EPHX2: variants seen among roughly 807,000 people sequenced by gnomAD.
EPHX2 encodes epoxide hydrolase 2.
Under a neutral mutation model 78.7 loss-of-function variants are expected in EPHX2, and 74 were observed. The observed-to-expected ratio is 0.94, with a 90% CI of 0.78 to 1.14. EPHX2 has a LOEUF of 1.14. Ranked by LOEUF, EPHX2 falls within the 50% of genes most tolerant of loss-of-function variation. The pLI is 0.00. For missense variants in EPHX2, 715 were observed against 702.5 expected (o/e 1.02, Z -0.20); for synonymous variants, 251 against 255.2 (o/e 0.98, Z 0.16).
At chr8:27,507,694 C>T (rs1248147544) in intron 5 of EPHX2, among the ~76,000 whole-genome samples, 1 of 152,164 alleles carries the variant, frequency 6.6e-6, no homozygotes, top group East Asian at 1.9e-4. Flanking sequence ...TTTGCTCGGG[C>T]TGCCATAACA....
In EPHX2 at chr8:27,506,851, C is replaced by T. The variant is rs755624222; in HGVS notation, c.538-21C>T. The stretch of plus-strand genomic sequence containing the variant: ...CTGGTGAGTTTCTTTCTGAGATTCT[C>T]CCATGCTGTTTTGGGCTCAGGTCGT... On this transcript the variant is annotated intron_variant, in intron 4 of 18. Coordinates refer to ENST00000521400, the MANE Select transcript of EPHX2 (RefSeq NM_001979.6). 7 of 1,611,466 alleles carry T rather than the reference C, an allele frequency of 4.3e-6. No homozygotes were observed. The Admixed American group carries it at 1.2e-4, about 27-fold the overall frequency.
In EPHX2 at chr8:27,513,058, C is replaced by T. The variant is rs58178938; in HGVS notation, c.735+1148C>T. On this transcript the variant is annotated intron_variant, in intron 6 of 18. Transcript: ENST00000521400. ...AATTCTGAGATGAATGGAGGGTCTT[C>T]CATGGTCCCAGGGATTTTACACTCA... Among the ~76,000 whole-genome samples, 919 of 152,192 alleles carry T rather than the reference C, an allele frequency of 6.0e-3. 9 individuals carry two copies. The highest frequency in any genetic ancestry group is 0.021 in the African/African-American group (878 of 41,522).
At chr8:27,523,005 G>T (rs1030130776) in intron 11 of EPHX2, among the ~76,000 whole-genome samples, 1 of 148,578 alleles carries the variant, frequency 6.7e-6, no homozygotes, top group African/African-American at 2.5e-5. Flanking sequence ...ATGAGCTAAT[G>T]TGTTAGGAAG....
intron 12 of EPHX2, among the ~76,000 whole-genome samples, chr8:27,532,019 A>G (rs1425728067): frequency 6.6e-6 from 1 of 152,136 alleles, no homozygotes; most frequent in Non-Finnish European, 1.5e-5. Flanking sequence ...GGCTCCTCTG[A>G]CAGTGTGCTG....
intron 12 of EPHX2, among the ~76,000 whole-genome samples, chr8:27,533,712 C>T (rs1002049662): frequency 6.6e-6 from 1 of 152,134 alleles, no homozygotes; most frequent in African/African-American, 2.4e-5. Context: ...CTCATTCTCC[C>T]TAGTAGCTGG....
In EPHX2 at chr8:27,522,453, G is replaced by T. The variant is rs180851343; in HGVS notation, c.1003G>T (p.Asp335Tyr). The T allele has an allele frequency of 1.9e-6, 3 of 1,614,062 alleles. No homozygotes were observed. In the African/African-American group the frequency reaches 4.0e-5, roughly 22 times the overall value. ...CTCTCAAGCAGTGTTCATTGGCCAT[G>T]ACTGGGGTGGCATGCTGGTGTGGTA... ...GLSQAVFIGH[D>Y]WGGMLVWYMA... The change falls in exon 11 of 19, where the codon GAC becomes TAC. Residue 335 changes from aspartate (D) to tyrosine (Y), a missense_variant. Transcript: ENST00000521400.
chr8:27,536,808 C>A lies in EPHX2; in HGVS notation c.1195C>A (p.Gln399Lys). The change falls in exon 13 of 19, where the codon CAG becomes AAG. Residue 399 changes from glutamine to lysine, a missense_variant. Physicochemically the swap from Gln to Lys is moderately conservative, Grantham distance 53. Transcript: ENST00000521400. ...GGGAGTGGCTGAGGCTGAACTGGAA[C>A]AGAACCTGAGTCGGACTTTCAAAAG... ...EPGVAEAELE[Q>K]NLSRTFKSLF... The A allele has an allele frequency of 6.2e-7, 1 of 1,612,492 alleles. No individual in the cohort carries two copies. Among genetic ancestry groups the A allele is most frequent in the Middle Eastern group, 1.7e-4 (1 of 6,060 alleles).
rs1003294511 is a variant in EPHX2, at chr8:27,515,960, A to T, written c.831+147A>T. The T allele has an allele frequency of 3.4e-5, 25 of 734,778 alleles. No individual in the cohort carries two copies. In the East Asian group the frequency reaches 6.7e-4, roughly 20 times the overall value. The allele number at this position is 734,778 out of a possible 1,614,324, so 45.5% of individuals were successfully genotyped here. On this transcript the variant is annotated intron_variant, in intron 7 of 18. Transcript: ENST00000521400. ...GTGACCAGGTTGGGGCAGGAGGGTG[A>T]CTCCAGACCTCAGGGCTATGTTAGG...
At chr8:27,513,903 C>T (rs1020865775) in intron 6 of EPHX2, among the ~76,000 whole-genome samples, 1 of 152,290 alleles carries the variant, frequency 6.6e-6, no homozygotes, top group Non-Finnish European at 1.5e-5. Flanking sequence ...CAACTTTTGC[C>T]AAGTGCTGAA....
At chr8:27,492,531 G>A (rs998549559) in intron 1 of EPHX2, among the ~76,000 whole-genome samples, 3 of 152,026 alleles carry the variant, frequency 2.0e-5, no homozygotes, top group African/African-American at 7.2e-5. Context: ...TTCGCAGTGA[G>A]TGTTACACTC....
At chr8:27,510,191 C>T (rs1432293974) in intron 5 of EPHX2, among the ~76,000 whole-genome samples, 1 of 152,206 alleles carries the variant, frequency 6.6e-6, no homozygotes, top group Non-Finnish European at 1.5e-5. Flanking sequence ...TTAGAGGTCA[C>T]AAAACTGAGT....
downstream of EPHX2, among the ~76,000 whole-genome samples, chr8:27,548,545 G>A (rs1242903061): frequency 1.3e-5 from 2 of 152,196 alleles, no homozygotes; most frequent in Non-Finnish European, 1.5e-5. Context: ...AATTCGTCCT[G>A]AAACCCAACC....
intron 2 of EPHX2, among the ~76,000 whole-genome samples, chr8:27,502,932 G>C (rs1813853719): frequency 6.6e-6 from 1 of 152,180 alleles, no homozygotes. Context: ...CATTTGGGTA[G>C]TTCCAGTTTG....
intron 6 of EPHX2, among the ~76,000 whole-genome samples, chr8:27,514,731 C>T (rs906799147): frequency 6.6e-6 from 1 of 152,094 alleles, no homozygotes; most frequent in Non-Finnish European, 1.5e-5. Flanking sequence ...ACAGGAGGTT[C>T]CTGTGACCCC....
chr8:27,516,038 A>G lies in EPHX2; in HGVS notation c.831+225A>G, dbSNP rs369416832. ...AGGGCAGACTTCTTTAAGACACTCC[A>G]TGCCCCCTGCTGGGAAGTCTCTGTA... On this transcript the variant is annotated intron_variant, in intron 7 of 18. Transcript: ENST00000521400. Among the ~76,000 whole-genome samples, 22 of 152,344 alleles carry G rather than the reference A, an allele frequency of 1.4e-4. No individual in the cohort carries two copies. In the East Asian group the frequency reaches 2.1e-3, roughly 15 times the overall value.
chr8:27,506,791 A>G (rs550271228), intron 4 of EPHX2, 81 bp from the exon 5 acceptor site: 18 of 1,537,914 alleles, frequency 1.2e-5, no homozygotes, highest in South Asian at 6.2e-5. Context: ...AAGAGTTTTT[A>G]ATCTCCTCAT....
intron 14 of EPHX2, among the ~76,000 whole-genome samples, chr8:27,540,314 G>A (rs990551075): frequency 1.3e-5 from 2 of 152,126 alleles, no homozygotes; most frequent in African/African-American, 4.8e-5. Context: ...TGTGATAATA[G>A]CCCGTGAAGT....
chr8:27,491,518 C>A (rs1241762550), intron 1 of EPHX2, among the ~76,000 whole-genome samples: 1 of 152,250 alleles, frequency 6.6e-6, no homozygotes, highest in African/African-American at 2.4e-5. Context: ...TTGCCAAGGT[C>A]TCCAAAATTG....
intron 12 of EPHX2, among the ~76,000 whole-genome samples, chr8:27,530,379 C>T (rs181648783): frequency 8.1e-4 from 123 of 152,284 alleles, no homozygotes; most frequent in Non-Finnish European, 1.5e-3. Flanking sequence ...TGCCCATCAA[C>T]GAGCTACTAA....
Sources: gnomAD v4.1 joint callset for allele counts (sites outside exome capture counted in the v4.1 genomes callset) on GRCh38, gnomAD v4.1.1 for gene constraint, MANE v1.5 for transcripts, NCBI Gene and HGNC (gene_info 2026-07-23, HGNC 2026-07-21) for gene names.